PRSS55: variants seen among roughly 807,000 people sequenced by gnomAD.
The protein encoded by PRSS55 is probable serine protease UNQ9391/PRO34284.
PRSS55 carries 41 observed loss-of-function variants against 23.6 expected under a neutral mutation model. The ratio of observed to expected loss-of-function variants is 1.74; its 90% CI spans 1.35 to 2.26. PRSS55 has a LOEUF of 2.26. Among genes scored for constraint, PRSS55 ranks in the 30% most tolerant of loss-of-function variants. The pLI is 0.00. For missense variants in PRSS55, 669 were observed against 439.1 expected, an observed-to-expected ratio of 1.52 and a Z score of -4.68; for synonymous variants, 262 against 175.5, an observed-to-expected ratio of 1.49 and a Z score of -3.90.
chr8:10,542,630 G>A (rs373961044), downstream of PRSS55, among the ~76,000 whole-genome samples: 1 of 151,942 alleles, frequency 6.6e-6, no homozygotes, highest in South Asian at 2.1e-4. Context: ...CACTTTGGGA[G>A]GCTGAGGCAG....
intron 1 of PRSS55, 53 bp from the exon 2 acceptor site, chr8:10,529,454 G>T: frequency 1.3e-6 from 2 of 1,574,264 alleles, no homozygotes; most frequent in South Asian, 2.2e-5. Flanking sequence ...GCTCACACTG[G>T]ATGCTGACTA....
At chr8:10,539,514 T>C (rs1314970293), downstream of PRSS55, among the ~76,000 whole-genome samples, 4 of 152,368 alleles carry the variant, frequency 2.6e-5, no homozygotes, top group East Asian at 7.7e-4. Flanking sequence ...ACCCCACTGA[T>C]ATGGTTTGGC....
rs745679417 is a variant in PRSS55, at chr8:10,531,290, A to G, written c.348-5A>G. Reference sequence around the variant, plus strand: ...ACTTGCCCCTCTCTGGTTCTCTGCCACCAGTCCAGAAGAACTGAGTGTCGT... The same window carrying G: ...ACTTGCCCCTCTCTGGTTCTCTGCCGCCAGTCCAGAAGAACTGAGTGTCGT... On this transcript the variant is annotated splice_polypyrimidine_tract_variant and splice_region_variant and intron_variant, in intron 2 of 4. Coordinates refer to ENST00000328655, the MANE Select transcript of PRSS55 (RefSeq NM_198464.4). 6.2e-7 allele frequency: 1 copy of G among 1,612,888 alleles called. No homozygotes were observed. The highest frequency in any genetic ancestry group is 8.5e-7 in the Non-Finnish European group (1 of 1,179,134).
downstream of PRSS55, among the ~76,000 whole-genome samples, chr8:10,543,455 C>CT (rs1491423238): frequency 9.7e-6 from 1 of 102,694 alleles, no homozygotes; most frequent in Non-Finnish European, 2.0e-5. Flanking sequence ...ATCCTTCCTT[C>CT]CTTCCTTCCT....
At position 10,532,887 on chromosome 8, in the gene PRSS55, C is replaced by A. The variant is rs368934897; in HGVS notation, c.599-19C>A. ...ATGAGGCCCAGTGGCTTCTCTAATG[C>A]GCTTTCTCTCTGGGCCAGCTGACAA... On this transcript the variant is annotated intron_variant, in intron 3 of 4. Coordinates refer to ENST00000328655, the MANE Select transcript of PRSS55 (RefSeq NM_198464.4). 1.9e-6 allele frequency: 3 copies of A among 1,613,960 alleles called. No homozygotes were observed. The highest frequency in any genetic ancestry group is 3.3e-5 in the Admixed American group (2 of 60,022).
chr8:10,529,960 T>G (rs757013633), intron 2 of PRSS55, among the ~76,000 whole-genome samples: 2 of 152,192 alleles, frequency 1.3e-5, no homozygotes, highest in Non-Finnish European at 1.5e-5. Flanking sequence ...GGAACACCTG[T>G]GGCTTGATGG....
At chr8:10,542,207 G>C (rs1563546153), downstream of PRSS55, among the ~76,000 whole-genome samples, 1 of 152,142 alleles carries the variant, frequency 6.6e-6, no homozygotes, top group Non-Finnish European at 1.5e-5. Context: ...CATACCTAGA[G>C]TCACACAGTG....
At chr8:10,549,359 CG>C (rs1461772777) in intron 4 of PRSS55, among the ~76,000 whole-genome samples, 1 of 152,120 alleles carries the variant, frequency 6.6e-6, no homozygotes, top group Non-Finnish European at 1.5e-5. Context: ...GCCAGTGCCC[CG>C]GTGGGAGATG....
downstream of PRSS55, chr8:10,540,987 T>C (rs1042992129): frequency 3.3e-5 from 5 of 152,850 alleles, no homozygotes; most frequent in African/African-American, 1.2e-4. Context: ...TTTGCATAGT[T>C]CTGGATGGCT....
At chr8:10,530,847 G>C (rs1563537000) in intron 2 of PRSS55, among the ~76,000 whole-genome samples, 1 of 152,180 alleles carries the variant, frequency 6.6e-6, no homozygotes, top group Non-Finnish European at 1.5e-5. Context: ...TGTCTGCTTG[G>C]TCAGTGGCAG....
intron 4 of PRSS55, among the ~76,000 whole-genome samples, chr8:10,535,705 A>G (rs939057201): frequency 6.6e-6 from 1 of 152,240 alleles, no homozygotes; most frequent in East Asian, 1.9e-4. Context: ...TTGCAACAAA[A>G]TAAAACGTTG....
At chr8:10,549,969 G>A (rs1812915294) in intron 4 of PRSS55, among the ~76,000 whole-genome samples, 1 of 152,126 alleles carries the variant, frequency 6.6e-6, no homozygotes, top group Admixed American at 6.5e-5. Context: ...GCTCAGGCTG[G>A]AGTGCCGTGC....
At chr8:10,527,326 A>G (rs1241400387) in intron 1 of PRSS55, among the ~76,000 whole-genome samples, 1 of 152,226 alleles carries the variant, frequency 6.6e-6, no homozygotes, top group Non-Finnish European at 1.5e-5. Context: ...TCAGATGCAC[A>G]CATGTGCTGC....
In PRSS55 at chr8:10,531,289, C is replaced by A. The variant is rs1317791120; in HGVS notation, c.348-6C>A. On this transcript the variant is annotated splice_polypyrimidine_tract_variant and splice_region_variant and intron_variant, in intron 2 of 4. Coordinates refer to ENST00000328655, the MANE Select transcript of PRSS55 (RefSeq NM_198464.4). ...CACTTGCCCCTCTCTGGTTCTCTGC[C>A]ACCAGTCCAGAAGAACTGAGTGTCG... 6.2e-7 allele frequency: 1 copy of A among 1,612,974 alleles called. No individual in the cohort carries two copies. Among genetic ancestry groups the A allele is most frequent in the Non-Finnish European group, 8.5e-7 (1 of 1,179,110 alleles).
intron 4 of PRSS55, among the ~76,000 whole-genome samples, chr8:10,546,375 G>A (rs1443706228): frequency 6.6e-6 from 1 of 152,062 alleles, no homozygotes. Context: ...ATAACCCTCA[G>A]CGCTAGCCAG....
chr8:10,541,390 CAA>C (rs534133909), downstream of PRSS55: 35 of 152,378 alleles, frequency 2.3e-4, no homozygotes, highest in African/African-American at 8.2e-4. Flanking sequence ...CCTCCCCACA[CAA>C]GAGGGAATTC....
downstream of PRSS55, among the ~76,000 whole-genome samples, chr8:10,542,378 A>G (rs1236312139): frequency 6.9e-6 from 1 of 145,540 alleles, no homozygotes; most frequent in Non-Finnish European, 1.5e-5. Context: ...AATAAATGCA[A>G]TTGTTAGGTA....
chr8:10,538,762 C>T lies in PRSS55; in HGVS notation c.1028C>T (p.Ser343Phe), dbSNP rs766846358. The T allele has an allele frequency of 1.3e-6, 2 of 1,598,288 alleles. No homozygotes were observed. The highest frequency in any genetic ancestry group is 1.8e-5 in the Admixed American group (1 of 56,480). ...PRSWLLLCPLSHVLFRAILY is the reference protein window; with the variant it reads ...PRSWLLLCPLFHVLFRAILY ...TCCTGGCTCCTGCTCTGTCCCCTGTCCCATGTGTTGTTCAGAGCTATTTTG... is the reference window on the plus strand; with the variant it reads ...TCCTGGCTCCTGCTCTGTCCCCTGTTCCATGTGTTGTTCAGAGCTATTTTG... Residue 343 changes from serine (S) to phenylalanine (F), a missense_variant, in exon 5 of 5, where the codon TCC (serine) becomes TTC (phenylalanine). Coordinates refer to ENST00000328655, the MANE Select transcript of PRSS55 (RefSeq NM_198464.4).
chr8:10,546,116 C>T (rs960212178), intron 4 of PRSS55, among the ~76,000 whole-genome samples: 1 of 152,148 alleles, frequency 6.6e-6, no homozygotes, highest in African/African-American at 2.4e-5. Context: ...ACTAGGCTCC[C>T]CTGAGCTGAG....
Sources: allele counts gnomAD v4.1 joint callset (sites outside exome capture counted in the v4.1 genomes callset), GRCh38; gene constraint gnomAD v4.1.1; transcripts MANE v1.5; gene names NCBI Gene and HGNC (gene_info 2026-07-23, HGNC 2026-07-21).